Variants in ORC3 observed in about 807,000 individuals in gnomAD.
The protein encoded by ORC3 is homolog of latheo, Drosophila.
Under a neutral mutation model 100.7 loss-of-function variants are expected in ORC3, and 78 were observed. The observed-to-expected ratio is 0.77, with a 90% CI of 0.65 to 0.94. The LOEUF (loss-of-function observed/expected upper bound fraction) is 0.94, where lower values mean the gene tolerates loss of function less well. Among genes scored for constraint, ORC3 ranks in the 40% least tolerant of loss-of-function variants. The pLI is 0.00. For synonymous variants in ORC3, 295 were observed against 289.3 expected (o/e 1.02, Z -0.20); for missense variants, 789 against 823.9 (o/e 0.96, Z 0.52).
At chr6:87,604,739 G>GT (rs1455156776) in intron 4 of ORC3, among the ~76,000 whole-genome samples, 1 of 151,978 alleles carries the variant, frequency 6.6e-6, no homozygotes, top group Non-Finnish European at 1.5e-5. Context: ...TCAGGGATGT[G>GT]TTATTATAAT....
intron 9 of ORC3, 143 bp downstream of exon 9, chr6:87,616,570 C>T (rs981275568): frequency 1.0e-5 from 5 of 485,942 alleles, no homozygotes; most frequent in African/African-American, 7.7e-5. Flanking sequence ...CTAGGTTCTA[C>T]AATTCCTTTG....
In ORC3 at chr6:87,621,591, C is replaced by T. The variant is rs1779533648; in HGVS notation, c.1121+104C>T. 9.0e-6 allele frequency: 7 copies of T among 773,648 alleles called. No homozygotes were observed. The South Asian group carries it at 2.2e-4, about 24-fold the overall frequency. 47.9% of individuals were successfully genotyped at this position (773,648 alleles called of 1,614,324 possible). ...CTGAAGTAGGGAAAGAAATAGTAAC[C>T]TATTCTGTTTTTAATTGTGGGATTT... On this transcript the variant is annotated intron_variant, in intron 10 of 19. Coordinates refer to ENST00000392844, the MANE Select transcript of ORC3 (RefSeq NM_012381.4).
intron 8 of ORC3, among the ~76,000 whole-genome samples, chr6:87,615,263 G>T (rs537531623): frequency 3.3e-5 from 5 of 152,252 alleles, no homozygotes; most frequent in Non-Finnish European, 7.4e-5. Context: ...TTTTCCCCAT[G>T]ATTCAGTTAC....
rs1299802807 is a variant in ORC3, at chr6:87,656,912, A to G, written c.1523A>G (p.Lys508Arg). 1.2e-6 allele frequency: 2 copies of G among 1,611,462 alleles called. No homozygotes were observed. The highest frequency in any genetic ancestry group is 3.4e-5 in the Admixed American group (2 of 59,666). The change falls in exon 15 of 20, where the codon AAA (lysine) becomes AGA (arginine). Residue 508 changes from lysine to arginine, a missense_variant. Around this residue, in one of 3 missense-constraint regions of ORC3, gnomAD observed 366 missense variants for 394.2 expected, o/e 0.93. Coordinates refer to ENST00000392844, the MANE Select transcript of ORC3 (RefSeq NM_012381.4). ...GGTTTTGTATTAAAAGCAGAAACCA[A>G]AGAGGAAGAAGATGCTTCTGGGTCA... ...LAQFQSLDETKEEEDASGSQP... is the reference protein window; with the variant it reads ...LAQFQSLDETREEEDASGSQP...
rs554302296 is a variant in ORC3, at chr6:87,664,760, C to T, written c.1851C>T (p.Ser617=). The T allele has an allele frequency of 2.1e-5, 34 of 1,613,686 alleles. No individual in the cohort carries two copies. The African/African-American group carries it at 2.5e-4, about 12-fold the overall frequency. ...ATTGTTAGAATGAAGCACTGAAAAGCGAAGAAGGCTGCATTCCGAATATCG... is the reference window on the plus strand; with the variant it reads ...ATTGTTAGAATGAAGCACTGAAAAGTGAAGAAGGCTGCATTCCGAATATCG... ...YYYLKNEALK[S]EEGCIPNIAP... Residue 617 remains serine, a synonymous_variant, in exon 18 of 20, where the codon AGC becomes AGT. Transcript: ENST00000392844.
intron 13 of ORC3, among the ~76,000 whole-genome samples, chr6:87,645,797 T>TTAATGATTGCTTA (rs1768719613): frequency 6.6e-6 from 1 of 152,146 alleles, no homozygotes; most frequent in Non-Finnish European, 1.5e-5. Flanking sequence ...ATGATTGCTT[T>TTAATGATTGCTTA]TAATGATTGC....
intron 1 of ORC3, among the ~76,000 whole-genome samples, chr6:87,590,571 G>A (rs1427855007): frequency 7.9e-5 from 12 of 152,190 alleles, no homozygotes; most frequent in Non-Finnish European, 1.8e-4. Flanking sequence ...GGTAAACATA[G>A]ATAAACTGAC....
chr6:87,626,047 C>G (rs1055510827), intron 11 of ORC3, among the ~76,000 whole-genome samples: 1 of 152,110 alleles, frequency 6.6e-6, no homozygotes, highest in African/African-American at 2.4e-5. Context: ...TGGTCCATAT[C>G]TCTGTTTTGG....
intron 11 of ORC3, among the ~76,000 whole-genome samples, chr6:87,627,138 C>T (rs1321792160): frequency 6.8e-6 from 1 of 147,568 alleles, no homozygotes; most frequent in Non-Finnish European, 1.5e-5. Flanking sequence ...GCTGGGGTTA[C>T]AGGTGCCTAC....
intron 14 of ORC3, among the ~76,000 whole-genome samples, chr6:87,656,699 A>AT (rs1312830374): frequency 1.3e-5 from 2 of 151,778 alleles, no homozygotes; most frequent in Non-Finnish European, 2.9e-5. Flanking sequence ...TCAGTAGCTG[A>AT]TTTTTTGAAG....
In ORC3 at chr6:87,621,469, G is replaced by T; in HGVS notation, c.1103G>T (p.Arg368Leu). Residue 368 changes from arginine to leucine, a missense_variant, in exon 10 of 20, where the codon CGT becomes CTT. Coordinates refer to ENST00000392844, the MANE Select transcript of ORC3 (RefSeq NM_012381.4). ...AATAATCAATGTGAAAACATCCGAC[G>T]TCTACCATCTTTTAGGAGGTAAAAA... is the stretch of plus-strand genomic sequence containing the variant. ...LSNNQCENIR[R>L]LPSFRRYVEK... 1 of 1,591,822 alleles carries T rather than the reference G, an allele frequency of 6.3e-7. No homozygotes were observed. The highest frequency in any genetic ancestry group is 8.5e-7 in the Non-Finnish European group (1 of 1,171,558).
rs1336736903 is a variant in ORC3, at chr6:87,609,119, CA to C, written c.610del (p.Arg204GlyfsTer16). ...TQKTDPKMLSKKRTTSSQWQS... is the reference protein window; with the variant it reads ...TQKTDPKMLSXKRTTSSQWQS... ...AGAAGACGGACCCAAAAATGCTAAGCAAAAAAAGGACTACTTCTAGCCAATG... is the reference window on the plus strand; with the variant it reads ...AGAAGACGGACCCAAAAATGCTAAGCAAAAAAGGACTACTTCTAGCCAATG... On this transcript the variant is annotated frameshift_variant, in exon 7 of 20. Coordinates refer to ENST00000392844, the MANE Select transcript of ORC3 (RefSeq NM_012381.4). LOFTEE classifies it high-confidence loss of function. 5.6e-6 allele frequency: 9 copies of C among 1,602,958 alleles called. No individual in the cohort carries two copies. In the Admixed American group the frequency reaches 8.9e-5, roughly 16 times the overall value.
In ORC3 at chr6:87,664,740, T is replaced by C. The variant is rs1300168948; in HGVS notation, c.1834-3T>C. 5 of 1,610,800 alleles carry C rather than the reference T, an allele frequency of 3.1e-6. No individual in the cohort carries two copies. The East Asian group carries it at 1.1e-4, about 36-fold the overall frequency. ...GTCATCTTAGTTTACTGTTAATTGT[T>C]AGAATGAAGCACTGAAAAGCGAAGA... On this transcript the variant is annotated splice_region_variant and splice_polypyrimidine_tract_variant and intron_variant, in intron 17 of 19. Transcript: ENST00000392844.
chr6:87,648,007 C>T (rs1768935317), intron 13 of ORC3, among the ~76,000 whole-genome samples: 1 of 152,112 alleles, frequency 6.6e-6, no homozygotes, highest in African/African-American at 2.4e-5. Flanking sequence ...CAAGACCAGC[C>T]TGGCCAATAT....
At chr6:87,645,733 C>T (rs1236112898) in intron 13 of ORC3, among the ~76,000 whole-genome samples, 4 of 151,998 alleles carry the variant, frequency 2.6e-5, no homozygotes, top group Non-Finnish European at 5.9e-5. Context: ...AGTACTTAAC[C>T]AGAAATTATT....
intron 11 of ORC3, among the ~76,000 whole-genome samples, chr6:87,625,274 G>A (rs1779815784): frequency 6.6e-6 from 1 of 152,188 alleles, no homozygotes; most frequent in African/African-American, 2.4e-5. Flanking sequence ...TCACCACACT[G>A]TCTTCCACAA....
chr6:87,657,458 T>A (rs2128292632), intron 15 of ORC3, among the ~76,000 whole-genome samples: 1 of 152,354 alleles, frequency 6.6e-6, no homozygotes, highest in Non-Finnish European at 1.5e-5. Flanking sequence ...AACTTTAGGA[T>A]CTTGATTGTC....
Position 87,612,085 on chromosome 6 carries a change from C to G in ORC3, c.714-4C>G, listed in dbSNP as rs1778812327. ...TCACTTTTGTGTCTGTCTTTCAAAACTAGTCAACATCTCCATGAATTTCCA... is the reference window on the plus strand; with the variant it reads ...TCACTTTTGTGTCTGTCTTTCAAAAGTAGTCAACATCTCCATGAATTTCCA... On this transcript the variant is annotated splice_polypyrimidine_tract_variant and splice_region_variant and intron_variant, in intron 7 of 19. Coordinates refer to ENST00000392844, the MANE Select transcript of ORC3 (RefSeq NM_012381.4). 1.2e-6 allele frequency: 2 copies of G among 1,605,782 alleles called. No individual in the cohort carries two copies. Among genetic ancestry groups the G allele is most frequent in the Non-Finnish European group, 1.7e-6 (2 of 1,177,716 alleles).
intron 11 of ORC3, among the ~76,000 whole-genome samples, chr6:87,624,004 G>A (rs1436165850): frequency 2.0e-5 from 3 of 152,084 alleles, no homozygotes; most frequent in Non-Finnish European, 4.4e-5. Flanking sequence ...TGCACTGTCA[G>A]TTTTGCTTGT....
Sources: allele counts gnomAD v4.1 joint callset (sites outside exome capture counted in the v4.1 genomes callset), GRCh38; gene constraint gnomAD v4.1.1; regional missense constraint gnomAD v4.1.1; transcripts MANE v1.5; gene names NCBI Gene and HGNC (gene_info 2026-07-23, HGNC 2026-07-21).